Variants in TFRC observed in about 807,000 individuals in gnomAD.
TFRC encodes transferrin receptor, also known as transferrin receptor protein 1.
A neutral mutation model predicts 85.8 loss-of-function variants in TFRC; 35 were observed. The observed-to-expected ratio is 0.41, with a 90% CI of 0.31 to 0.54. The LOEUF is 0.54. Ranked by LOEUF, TFRC falls within the 20% of genes least tolerant of loss-of-function variation. The pLI is 0.31. For synonymous variants in TFRC, 362 were observed against 328.6 expected, an observed-to-expected ratio of 1.10 and a Z score of -1.10; for missense variants, 828 against 921.5, an observed-to-expected ratio of 0.90 and a Z score of 1.31.
chr3:196,080,331 TCAC>T (rs1244597752), intron 1 of TFRC, among the ~76,000 whole-genome samples: 6 of 152,226 alleles, frequency 3.9e-5, no homozygotes, highest in South Asian at 2.1e-4. Context: ...CTCGAACTCC[TCAC>T]CACAAGTGAT....
intron 1 of TFRC, among the ~76,000 whole-genome samples, chr3:196,080,609 T>C (rs1719087690): frequency 1.3e-5 from 2 of 152,242 alleles, no homozygotes. Flanking sequence ...GACATTTAAA[T>C]ACATTATCAG....
Position 196,049,382 on chromosome 3 carries a change from AG to A in TFRC, c.*2559del, listed in dbSNP as rs1716106837. 1 of 203,082 alleles carries A rather than the reference AG, an allele frequency of 4.9e-6. No homozygotes were observed. Among genetic ancestry groups the A allele is most frequent in the Non-Finnish European group, 1.0e-5 (1 of 99,110 alleles). 12.6% of individuals were successfully genotyped at this position (203,082 alleles called of 1,614,324 possible). A position where few individuals can be genotyped will look rare whatever the true frequency, so the allele number is the denominator to read the frequency against. ...ATAAGGACATATCATTTGTTTACAA[AG>A]AAAGTCTAAAATTTCAAGAACATTC... is the stretch of plus-strand genomic sequence containing the variant. On this transcript the variant is annotated 3_prime_UTR_variant, in exon 19 of 19. Coordinates refer to ENST00000360110, the MANE Select transcript of TFRC (RefSeq NM_001128148.3).
In TFRC at chr3:196,053,577, G is replaced by A. The variant is rs775290399; in HGVS notation, c.1900-19C>T. 9 of 1,612,154 alleles carry A rather than the reference G, an allele frequency of 5.6e-6. No individual in the cohort carries two copies. The highest frequency in any genetic ancestry group is 3.3e-5 in the South Asian group (3 of 90,954). ...CCATTTCCTGAAACAGACATTATTC[G>A]CTATGAGAAGTTTTATTTCTAAGGA... On this transcript the variant is annotated intron_variant, in intron 17 of 18. Transcript: ENST00000360110.
At chr3:196,068,723 T>C (rs1221972954) in intron 7 of TFRC, among the ~76,000 whole-genome samples, 2 of 141,920 alleles carry the variant, frequency 1.4e-5, no homozygotes, top group Non-Finnish European at 3.0e-5. Context: ...ACGTCAGGAG[T>C]TCAAGACCAG....
At chr3:196,076,973 T>A (rs1406871968) in intron 2 of TFRC, 91 bp downstream of exon 2, 2 of 1,177,216 alleles carry the variant, frequency 1.7e-6, no homozygotes, top group African/African-American at 3.0e-5. Context: ...GATAATAGAT[T>A]GGGGTTATTA....
chr3:196,067,632 T>C lies in TFRC; in HGVS notation c.926A>G (p.Tyr309Cys). The stretch of plus-strand genomic sequence containing the variant: ...ATTGAAGGAAGGGAATCCAGGTGTG[T>C]AAGGGTCACCTGTCCCCAGATGAGC... ...GHAHLGTGDPYTPGFPSFNHT... is the reference protein window; with the variant it reads ...GHAHLGTGDPCTPGFPSFNHT... The change falls in exon 9 of 19, where the codon TAC (tyrosine) becomes TGC (cysteine). Residue 309 changes from tyrosine (Y) to cysteine (C), a missense_variant. Tyr to Cys is a radical substitution (Grantham distance 194). Transcript: ENST00000360110. 10 of 1,614,104 alleles carry C rather than the reference T, an allele frequency of 6.2e-6. No individual in the cohort carries two copies. Among genetic ancestry groups the C allele is most frequent in the Non-Finnish European group, 8.5e-6 (10 of 1,180,010 alleles).
intron 18 of TFRC, among the ~76,000 whole-genome samples, chr3:196,052,393 G>A (rs1388321314): frequency 6.9e-6 from 1 of 145,788 alleles, no homozygotes; most frequent in Non-Finnish European, 1.5e-5. Context: ...TCCACCTCCC[G>A]AGTTCAAGCA....
rs562426776 is a variant in TFRC at position 196,080,074 on chromosome 3, G to A, written c.-24+1969C>T. Among the ~76,000 whole-genome samples, 81 of 152,212 alleles carry A rather than the reference G, an allele frequency of 5.3e-4. 1 individual carries two copies. In the South Asian group the frequency reaches 0.016, roughly 30 times the overall value. On this transcript the variant is annotated intron_variant, in intron 1 of 18. Transcript: ENST00000360110. ...AACATTGGACCAGGAATCTTTTCCC[G>A]TCCCCATCACTCTTCTGGTTTAGTA... is the stretch of plus-strand genomic sequence containing the variant.
At chr3:196,071,196 A>G (rs988658468) in intron 6 of TFRC, among the ~76,000 whole-genome samples, 200 bp downstream of exon 6, 7 of 152,244 alleles carry the variant, frequency 4.6e-5, no homozygotes, top group Non-Finnish European at 7.3e-5. Context: ...TACTATAAAG[A>G]AAAAATAAAA....
chr3:196,063,910 A>C (rs1284880084), intron 11 of TFRC, among the ~76,000 whole-genome samples: 1 of 152,164 alleles, frequency 6.6e-6, no homozygotes, highest in African/African-American at 2.4e-5. Flanking sequence ...AACAGAGTGA[A>C]ACTCTGTCTC....
rs981496381 is a variant in TFRC, at chr3:196,051,276, T to C, written c.*666A>G. The stretch of plus-strand genomic sequence containing the variant: ...GGAAGGGACAGAGGAAAAGAAAATA[T>C]ACTAAGTCTTTGGCTTCTGGTCCCC... On this transcript the variant is annotated 3_prime_UTR_variant, in exon 19 of 19. Transcript: ENST00000360110. 3 of 219,488 alleles carry C rather than the reference T, an allele frequency of 1.4e-5. No homozygotes were observed. Among genetic ancestry groups the C allele is most frequent in the Non-Finnish European group, 9.2e-6 (1 of 109,166 alleles). The allele number at this position is 219,488 out of a possible 1,614,324, so 13.6% of individuals were successfully genotyped here.
At chr3:196,077,629 G>A (rs146886052) in intron 1 of TFRC, among the ~76,000 whole-genome samples, 123 of 152,156 alleles carry the variant, frequency 8.1e-4, no homozygotes, top group African/African-American at 2.8e-3. Flanking sequence ...GTGGGCGCCT[G>A]TAATCCCAGC....
In TFRC at chr3:196,067,572, A is replaced by G. The variant is rs1717838008; in HGVS notation, c.986T>C (p.Leu329Ser). 6.2e-7 allele frequency: 1 copy of G among 1,614,050 alleles called. No homozygotes were observed. Among genetic ancestry groups the G allele is most frequent in the Non-Finnish European group, 8.5e-7 (1 of 1,180,020 alleles). ...TQFPPSRSSG[L>S]PNIPVQTISR... ...GATTGTCTGGACAGGTATATTAGGC[A>G]ATCCTGATGACCGAGATGGTGGAAA... The change falls in exon 9 of 19, where the codon TTG becomes TCG. Residue 329 changes from leucine (L) to serine (S), a missense_variant. Transcript: ENST00000360110.
At chr3:196,053,685 G>A (rs1362009141) in intron 17 of TFRC, 127 bp from the exon 18 acceptor site, 28 of 1,154,584 alleles carry the variant, frequency 2.4e-5, no homozygotes, top group South Asian at 1.9e-4. Flanking sequence ...TCAAGACTCC[G>A]AAAGCACCTT....
Position 196,072,067 on chromosome 3 carries a change from G to C in TFRC, c.520C>G (p.Arg174Gly), listed in dbSNP as rs746712619. Residue 174 changes from arginine to glycine, a missense_variant, in exon 5 of 19, where the codon CGT (arginine) becomes GGT (glycine). Physicochemically the swap from Arg to Gly is moderately radical, Grantham distance 125. Transcript: ENST00000360110. Reference sequence around the variant, plus strand: ...CAGACTTTGCTGAGTTTAAATTCACGAAATTGATTTTCAACATACAACGCA... The same window carrying C: ...CAGACTTTGCTGAGTTTAAATTCACCAAATTGATTTTCAACATACAACGCA... ...NLALYVENQF[R>G]EFKLSKVWRD... 1.9e-6 allele frequency: 3 copies of C among 1,614,110 alleles called. No individual in the cohort carries two copies. Among genetic ancestry groups the C allele is most frequent in the Non-Finnish European group, 2.5e-6 (3 of 1,180,030 alleles).
At chr3:196,069,962 T>C (rs1279812545) in intron 6 of TFRC, among the ~76,000 whole-genome samples, 4 of 152,212 alleles carry the variant, frequency 2.6e-5, no homozygotes, top group Non-Finnish European at 4.4e-5. Flanking sequence ...ACACCATCTA[T>C]TACAACAAAG....
intron 14 of TFRC, among the ~76,000 whole-genome samples, chr3:196,059,614 A>AT (rs41297497): frequency 1.3e-5 from 2 of 150,472 alleles, no homozygotes; most frequent in South Asian, 4.2e-4. Flanking sequence ...TTATTTATTT[A>AT]TTTTTTTTTT....
chr3:196,051,732 C>T lies in TFRC; in HGVS notation c.*210G>A, dbSNP rs1716325945. ...AGATAGGGGAATATTCCATCATGGA[C>T]ATTTTTTAAGTGGTTATTCACTTTA... On this transcript the variant is annotated 3_prime_UTR_variant, in exon 19 of 19. Coordinates refer to ENST00000360110, the MANE Select transcript of TFRC (RefSeq NM_001128148.3). 2 of 549,534 alleles carry T rather than the reference C, an allele frequency of 3.6e-6. No individual in the cohort carries two copies. Among genetic ancestry groups the T allele is most frequent in the African/African-American group, 3.8e-5 (2 of 52,680 alleles). The allele number at this position is 549,534 out of a possible 1,614,324, so 34.0% of individuals were successfully genotyped here. A position where few individuals can be genotyped will look rare whatever the true frequency, so the allele number is the denominator to read the frequency against.
chr3:196,070,062 A>G (rs1471281656), intron 6 of TFRC, among the ~76,000 whole-genome samples: 1 of 152,198 alleles, frequency 6.6e-6, no homozygotes, highest in Non-Finnish European at 1.5e-5. Context: ...ACTAACAACC[A>G]AGCCCTCAAT....
Sources: allele counts gnomAD v4.1 joint callset (sites outside exome capture counted in the v4.1 genomes callset), GRCh38; gene constraint gnomAD v4.1.1; transcripts MANE v1.5; gene names NCBI Gene and HGNC (gene_info 2026-07-23, HGNC 2026-07-21).